The following TG variants were observed in gnomAD, a reference collection of about 807,000 sequenced individuals.
TG encodes thyroid hormones.
TG carries 270 observed loss-of-function variants against 324.7 expected under a neutral mutation model. The ratio of observed to expected loss-of-function variants is 0.83; its 90% CI spans 0.75 to 0.92. TG has a LOEUF of 0.92. TG is among the 40% of genes least tolerant of loss of function. TG has a pLI of 0.00. For synonymous variants in TG, 1,401 were observed against 1,327.0 expected, an observed-to-expected ratio of 1.06 and a Z score of -1.21; for missense variants, 3,591 against 3,456.4, an observed-to-expected ratio of 1.04 and a Z score of -0.98.
intron 20 of TG, among the ~76,000 whole-genome samples, chr8:132,914,847 G>A (rs2132406755): frequency 6.6e-6 from 1 of 152,270 alleles, no homozygotes; most frequent in African/African-American, 2.4e-5. Context: ...TTGCAGAGAG[G>A]GAGAGTCACA....
intron 22 of TG, among the ~76,000 whole-genome samples, chr8:132,925,553 T>TGTGTGTGTGTG (rs1311284398): frequency 1.9e-5 from 1 of 52,238 alleles, no homozygotes; most frequent in South Asian, 5.9e-4. Flanking sequence ...GTGTGTGTGT[T>TGTGTGTGTGTG]CTTGAATAAA....
intron 25 of TG, among the ~76,000 whole-genome samples, chr8:132,937,504 A>T (rs1038161345): frequency 6.9e-6 from 1 of 144,260 alleles, no homozygotes; most frequent in Non-Finnish European, 1.5e-5. Flanking sequence ...GGTCACTCGG[A>T]TCTCTCTAAT....
At chr8:133,055,781 A>C (rs1164528141) in intron 41 of TG, among the ~76,000 whole-genome samples, 2 of 151,944 alleles carry the variant, frequency 1.3e-5, no homozygotes, top group East Asian at 1.9e-4. Flanking sequence ...CTCAGACTTC[A>C]GTTGTTTTCA....
At chr8:133,083,600 C>T (rs995967222) in intron 41 of TG, among the ~76,000 whole-genome samples, 1 of 152,174 alleles carries the variant, frequency 6.6e-6, no homozygotes, top group Middle Eastern at 3.4e-3. Flanking sequence ...AAATGGAGAC[C>T]CAGAGAATGA....
chr8:133,107,441 C>T (rs145570524), intron 43 of TG, among the ~76,000 whole-genome samples: 5 of 152,322 alleles, frequency 3.3e-5, no homozygotes, highest in Admixed American at 3.3e-4. Context: ...AACAAATCTA[C>T]TGTCTAAGGC....
At chr8:132,901,209 TG>T in intron 15 of TG, 143 bp from the exon 16 acceptor site, 1 of 866,128 alleles carries the variant, frequency 1.2e-6, no homozygotes, top group Non-Finnish European at 1.9e-6. Context: ...TTCAACCTCC[TG>T]GTGGGGAGGC....
At chr8:133,027,144 C>A (rs949994085) in intron 40 of TG, among the ~76,000 whole-genome samples, 10 of 152,180 alleles carry the variant, frequency 6.6e-5, no homozygotes, top group Non-Finnish European at 1.5e-4. Flanking sequence ...AAGACCAGGG[C>A]GAGCCCAGAA....
At chr8:132,914,463 C>T (rs189620311) in intron 20 of TG, among the ~76,000 whole-genome samples, 24 of 152,332 alleles carry the variant, frequency 1.6e-4, no homozygotes, top group African/African-American at 5.8e-4. Flanking sequence ...ATTTAAGATG[C>T]AGCTAAATCC....
chr8:132,982,021 C>A (rs1447902063), intron 34 of TG, among the ~76,000 whole-genome samples: 2 of 152,066 alleles, frequency 1.3e-5, no homozygotes, highest in East Asian at 3.8e-4. Context: ...CACACAGGGA[C>A]AAGAGACATG....
chr8:132,961,178 T>A, intron 28 of TG, 105 bp downstream of exon 28: 1 of 1,153,598 alleles, frequency 8.7e-7, no homozygotes, highest in Non-Finnish European at 1.3e-6. Context: ...GAGGAATAGG[T>A]AGAGAGTCAC....
At chr8:133,095,500 C>T (rs13256652) in intron 42 of TG, among the ~76,000 whole-genome samples, 1 of 152,190 alleles carries the variant, frequency 6.6e-6, no homozygotes, top group East Asian at 1.9e-4. Context: ...AAAATGAAGT[C>T]ACACATGTGA....
intron 47 of TG, 82 bp downstream of exon 47, chr8:133,133,742 C>T (rs768609646): frequency 9.3e-5 from 140 of 1,499,650 alleles, no homozygotes; most frequent in East Asian, 2.2e-4. Flanking sequence ...ACCTGTGCTG[C>T]GCGCGCATTG....
chr8:133,107,888 A>C (rs1485381179), intron 43 of TG, among the ~76,000 whole-genome samples: 4 of 151,490 alleles, frequency 2.6e-5, no homozygotes, highest in Admixed American at 6.6e-5. Flanking sequence ...GTGTCCTAGC[A>C]CTCCTAAAAG....
At position 132,882,489 on chromosome 8, in the gene TG, G is replaced by A. The variant is rs963154293; in HGVS notation, c.766G>A (p.Glu256Lys). ...AETGLELLLDEIYDTIFAGLD... is the reference protein window; with the variant it reads ...AETGLELLLDKIYDTIFAGLD... ...CTCAGGTTTGGAGTTGTTACTGGATGAAATTTATGACACCATTTTTGCTGG... is the reference window on the plus strand; with the variant it reads ...CTCAGGTTTGGAGTTGTTACTGGATAAAATTTATGACACCATTTTTGCTGG... Residue 256 changes from glutamate (E) to lysine (K), a missense_variant, in exon 7 of 48, where the codon GAA (glutamate) becomes AAA (lysine). Physicochemically the swap from Glu to Lys is moderately conservative, Grantham distance 56. Coordinates refer to ENST00000220616, the MANE Select transcript of TG (RefSeq NM_003235.5). The A allele has an allele frequency of 9.3e-6, 15 of 1,614,222 alleles. No individual in the cohort carries two copies. Among genetic ancestry groups the A allele is most frequent in the Non-Finnish European group, 1.3e-5 (15 of 1,180,050 alleles).
chr8:132,992,388 A>G (rs1467611077), intron 35 of TG, among the ~76,000 whole-genome samples: 1 of 152,196 alleles, frequency 6.6e-6, no homozygotes, highest in Non-Finnish European at 1.5e-5. Context: ...GTGTGGCTTC[A>G]ATGTGCTCCA....
chr8:133,013,293 G>A (rs73359351), intron 36 of TG, among the ~76,000 whole-genome samples: 37,237 of 152,112 alleles, frequency 0.24, 4,603 homozygotes, highest in Non-Finnish European at 0.26. Flanking sequence ...ATGGATTCAT[G>A]GATGCATGAG....
chr8:132,917,552 C>T (rs984604869), intron 20 of TG, among the ~76,000 whole-genome samples: 6 of 151,950 alleles, frequency 3.9e-5, no homozygotes, highest in African/African-American at 1.5e-4. Flanking sequence ...GGAAACGTGA[C>T]AAGAAGTGGG....
At chr8:133,101,466 G>A (rs1241856770) in intron 43 of TG, among the ~76,000 whole-genome samples, 7 of 152,174 alleles carry the variant, frequency 4.6e-5, no homozygotes. Flanking sequence ...GAAGATGGCA[G>A]GTTCTGGAGG....
At chr8:132,897,530 A>C in intron 11 of TG, 119 bp from the exon 12 acceptor site, 1 of 1,384,888 alleles carries the variant, frequency 7.2e-7, no homozygotes, top group Non-Finnish European at 1.0e-6. Flanking sequence ...AATGTTTGTC[A>C]AATAAATAAA....
Sources: gnomAD v4.1 joint callset for allele counts (sites outside exome capture counted in the v4.1 genomes callset) on GRCh38, gnomAD v4.1.1 for gene constraint, MANE v1.5 for transcripts, NCBI Gene and HGNC (gene_info 2026-07-23, HGNC 2026-07-21) for gene names.